The following STK24 variants were observed in gnomAD, a reference collection of about 807,000 sequenced individuals.
The protein encoded by STK24 is serine/threonine-protein kinase 24.
Under a neutral mutation model 55.6 loss-of-function variants are expected in STK24, and 21 were observed. That is an observed-to-expected ratio of 0.38 (90% CI 0.27 to 0.54). The LOEUF (loss-of-function observed/expected upper bound fraction) is 0.54, where lower values mean the gene tolerates loss of function less well. Among genes scored for constraint, STK24 ranks in the 20% least tolerant of loss-of-function variants. The pLI, the probability that STK24 is intolerant of heterozygous loss-of-function variation, is 0.79. For missense variants in STK24, 383 were observed against 538.4 expected (o/e 0.71, Z 2.86); for synonymous variants, 200 against 215.2 (o/e 0.93, Z 0.62).
At chr13:98,543,327 T>C (rs1896939192) in intron 1 of STK24, among the ~76,000 whole-genome samples, 1 of 152,316 alleles carries the variant, frequency 6.6e-6, no homozygotes, top group South Asian at 2.1e-4. Flanking sequence ...TCAACTTTGA[T>C]TCGGCACTCA....
intron 1 of STK24, among the ~76,000 whole-genome samples, chr13:98,576,396 C>G (rs1188324453): frequency 6.6e-6 from 1 of 151,984 alleles, no homozygotes; most frequent in Non-Finnish European, 1.5e-5. Context: ...CCTCCAAGGG[C>G]ATCACTCCAC....
chr13:98,447,136 G>A lies in STK24; in HGVS notation c.*6037C>T. ...GACTGCCTACATGGTGTAATGGCAG[G>A]GACTGCAGACTTCATTTAGCCAAGA... On this transcript the variant is annotated 3_prime_UTR_variant, in exon 11 of 11. Coordinates refer to ENST00000539966, the MANE Select transcript of STK24 (RefSeq NM_001032296.4). 3.6e-6 allele frequency: 1 copy of A among 281,514 alleles called. No homozygotes were observed. The highest frequency in any genetic ancestry group is 6.7e-6 in the Non-Finnish European group (1 of 148,164). 17.4% of individuals were successfully genotyped at this position (281,514 alleles called of 1,614,324 possible).
chr13:98,530,483 G>A (rs1266287112), intron 1 of STK24, among the ~76,000 whole-genome samples: 6 of 152,094 alleles, frequency 3.9e-5, no homozygotes, highest in African/African-American at 9.7e-5. Context: ...TGCCCTCTAC[G>A]GAGGAGGCAC....
At chr13:98,558,407 G>A (rs1897329533) in intron 1 of STK24, among the ~76,000 whole-genome samples, 1 of 152,168 alleles carries the variant, frequency 6.6e-6, no homozygotes, top group African/African-American at 2.4e-5. Flanking sequence ...CAGCAAAGAG[G>A]AATGCAGTAA....
chr13:98,554,097 G>A (rs544499860), intron 1 of STK24, among the ~76,000 whole-genome samples: 78 of 151,652 alleles, frequency 5.1e-4, no homozygotes, highest in Non-Finnish European at 8.5e-4. Context: ...AGGAAAGAAG[G>A]GGGAGGAAGC....
intron 1 of STK24, among the ~76,000 whole-genome samples, chr13:98,539,871 C>G (rs756093922): frequency 2.0e-5 from 3 of 152,180 alleles, no homozygotes; most frequent in Non-Finnish European, 2.9e-5. Context: ...CAACTCCATT[C>G]CCAAGAGAAC....
intron 1 of STK24, among the ~76,000 whole-genome samples, chr13:98,526,573 T>C (rs879430863): frequency 1.3e-5 from 2 of 152,220 alleles, no homozygotes; most frequent in Non-Finnish European, 2.9e-5. Context: ...TGTACTAGGC[T>C]TGGGACCATG....
chr13:98,574,446 G>C (rs1390201979), intron 1 of STK24, among the ~76,000 whole-genome samples: 3 of 152,156 alleles, frequency 2.0e-5, no homozygotes, highest in African/African-American at 7.2e-5. Context: ...GTTTTTAATT[G>C]AATCTTCAGC....
rs112721387 is a variant in STK24 at position 98,552,708 on chromosome 13, C to T, written c.42+24037G>A. On this transcript the variant is annotated intron_variant, in intron 1 of 10. Transcript: ENST00000539966. ...CTGAGTGGCAGACCAGCCACGGGGA[C>T]CCAGGATCTGCCACTCCAGAGAAAC... 3.8e-3 allele frequency among the ~76,000 whole-genome samples: 585 copies of T among 152,182 alleles called. 4 individuals carry two copies. Among genetic ancestry groups the T allele is most frequent in the African/African-American group, 0.013 (540 of 41,542 alleles).
At chr13:98,535,659 G>A (rs1896709929) in intron 1 of STK24, among the ~76,000 whole-genome samples, 1 of 152,128 alleles carries the variant, frequency 6.6e-6, no homozygotes, top group Non-Finnish European at 1.5e-5. Context: ...CACCCCATGA[G>A]AAAGAGAACA....
intron 1 of STK24, chr13:98,543,097 C>T (rs2139422956): frequency 1.1e-6 from 1 of 874,554 alleles, no homozygotes; most frequent in Admixed American, 6.2e-5. Context: ...CAGCTCCGCT[C>T]CGGCTGGGAG....
intron 2 of STK24, among the ~76,000 whole-genome samples, chr13:98,501,166 A>C (rs1484850357): frequency 2.0e-5 from 3 of 152,250 alleles, no homozygotes; most frequent in Non-Finnish European, 4.4e-5. Flanking sequence ...AAAACAATTC[A>C]GTTTTCAGGA....
At chr13:98,501,368 G>C (rs774145135) in intron 2 of STK24, among the ~76,000 whole-genome samples, 11 of 152,202 alleles carry the variant, frequency 7.2e-5, no homozygotes, top group Non-Finnish European at 1.2e-4. Flanking sequence ...CCAGGGGTGG[G>C]GCGGGGGCCA....
chr13:98,474,708 T>C (rs1338557614), intron 5 of STK24, 113 bp downstream of exon 5: 5 of 1,329,012 alleles, frequency 3.8e-6, no homozygotes, highest in Non-Finnish European at 4.1e-6. Context: ...CTTTATGACC[T>C]ACCTCAAGGT....
At chr13:98,459,706 G>A (rs1893620259) in intron 9 of STK24, among the ~76,000 whole-genome samples, 1 of 152,276 alleles carries the variant, frequency 6.6e-6, no homozygotes, top group Non-Finnish European at 1.5e-5. Flanking sequence ...AGATGCGTGT[G>A]TGGCCCACAG....
At chr13:98,457,133 TCCTTCCCCAGC>T (rs746277185) in intron 10 of STK24, 24 bp downstream of exon 10, 30 of 1,599,422 alleles carry the variant, frequency 1.9e-5, no homozygotes, top group African/African-American at 1.2e-4. Context: ...TGCAGGTCTC[TCCTTCCCCAGC>T]CCAGAGGGGC....
In STK24 at chr13:98,452,318, C is replaced by A. The variant is rs116068967; in HGVS notation, c.*855G>T. On this transcript the variant is annotated 3_prime_UTR_variant, in exon 11 of 11. Transcript: ENST00000539966. ...GGCACGATTCCAAACAAATGTCAGA[C>A]GAGAGCGCTTCATGGGGAGAAACTG... The A allele has an allele frequency of 6.6e-6, 1 of 152,374 alleles. No homozygotes were observed. Among genetic ancestry groups the A allele is most frequent in the Admixed American group, 6.5e-5 (1 of 15,272 alleles). 9.4% of individuals were successfully genotyped at this position (152,374 alleles called of 1,614,324 possible). A position where few individuals can be genotyped will look rare whatever the true frequency, so the allele number is the denominator to read the frequency against.
chr13:98,568,662 T>C (rs1897651316), intron 1 of STK24, among the ~76,000 whole-genome samples: 1 of 150,818 alleles, frequency 6.6e-6, no homozygotes, highest in African/African-American at 2.4e-5. Context: ...AGGTCAGGAG[T>C]TCGAGACCTG....
chr13:98,541,311 C>T lies in STK24; in HGVS notation c.43-21838G>A, dbSNP rs192315821. 2.2e-3 allele frequency among the ~76,000 whole-genome samples: 339 copies of T among 152,216 alleles called. 1 individual carries two copies. Among genetic ancestry groups the T allele is most frequent in the Non-Finnish European group, 3.2e-3 (218 of 68,022 alleles). On this transcript the variant is annotated intron_variant, in intron 1 of 10. Transcript: ENST00000539966. ...TTCATCTGCATCTCATTATTGGGCC[C>T]GAGAAATAGCAGCCTGACCCTCAGT...
Sources: gnomAD v4.1 joint callset for allele counts (sites outside exome capture counted in the v4.1 genomes callset) on GRCh38, gnomAD v4.1.1 for gene constraint, MANE v1.5 for transcripts, NCBI Gene and HGNC (gene_info 2026-07-23, HGNC 2026-07-21) for gene names.